IL16: variants seen among roughly 807,000 people sequenced by gnomAD.
IL16 encodes the protein interleukin 16.
Under a neutral mutation model 110.1 loss-of-function variants are expected in IL16, and 67 were observed. That is an observed-to-expected ratio of 0.61 (90% CI 0.50 to 0.75). The LOEUF (loss-of-function observed/expected upper bound fraction) is 0.75, where lower values mean the gene tolerates loss of function less well. IL16 is among the 30% of genes least tolerant of loss of function. The pLI, the probability that IL16 is intolerant of heterozygous loss-of-function variation, is 0.00. For synonymous variants in IL16, 689 were observed against 662.9 expected (o/e 1.04, Z -0.61); for missense variants, 1,545 against 1,655.0 (o/e 0.93, Z 1.15).
At chr15:81,240,776 C>T (rs1312199431) in intron 2 of IL16, among the ~76,000 whole-genome samples, 6 of 151,946 alleles carry the variant, frequency 3.9e-5, no homozygotes, top group Admixed American at 1.3e-4. Flanking sequence ...CTCTTTTAAT[C>T]GATGAGTAGA....
At chr15:81,302,465 G>A (rs1237011876) in intron 15 of IL16, among the ~76,000 whole-genome samples, 1 of 152,196 alleles carries the variant, frequency 6.6e-6, no homozygotes, top group Non-Finnish European at 1.5e-5. Context: ...CAAGTAACCT[G>A]ATACTTGGGT....
In IL16 at chr15:81,285,694, A is replaced by G. The variant is rs1899414011; in HGVS notation, c.1200-4A>G. On this transcript the variant is annotated splice_region_variant and splice_polypyrimidine_tract_variant and intron_variant, in intron 9 of 18. Transcript: ENST00000683961. ...CTGATGGCTTCTTATTGATGCTTGC[A>G]CAGGTGTGGGGACGAGATTGTGGAA... 1 of 1,613,692 alleles carries G rather than the reference A, an allele frequency of 6.2e-7. No homozygotes were observed. The highest frequency in any genetic ancestry group is 1.3e-5 in the African/African-American group (1 of 74,878).
rs1392592269 is a variant in IL16 at position 81,310,724 on chromosome 15, A to T, written c.*1926A>T. 1 of 152,172 alleles carries T rather than the reference A, an allele frequency of 6.6e-6. No homozygotes were observed. The highest frequency in any genetic ancestry group is 6.5e-5 in the Admixed American group (1 of 15,272). 9.4% of individuals were successfully genotyped at this position (152,172 alleles called of 1,614,324 possible). On this transcript the variant is annotated 3_prime_UTR_variant, in exon 19 of 19. Coordinates refer to ENST00000683961, the MANE Select transcript of IL16 (RefSeq NM_172217.5). ...AAATCAGGGAATTGTTTTAAGTCTT[A>T]TCAAGCAGCCAAGGGATGAAAGAGA... is the stretch of plus-strand genomic sequence containing the variant.
chr15:81,288,877 C>T (rs937782691), intron 10 of IL16, among the ~76,000 whole-genome samples: 4 of 151,362 alleles, frequency 2.6e-5, no homozygotes, highest in Non-Finnish European at 5.9e-5. Context: ...TGCTGTTTAT[C>T]ATCTGTTTTT....
rs1265158798 is a variant in IL16 at position 81,210,916 on chromosome 15, ATTCCAATCCTCAAG to A, written c.-102+13765_-102+13778del. 2.0e-4 allele frequency among the ~76,000 whole-genome samples: 30 copies of A among 152,306 alleles called. 1 individual carries two copies. The South Asian group carries it at 6.0e-3, about 31-fold the overall frequency. ...TGGTGAGAGTGGGCATCCTTGTCTT[ATTCCAATCCTCAAG>A]GGGAATGGTTCCAGCTTTTTCCCAT... On this transcript the variant is annotated intron_variant, in intron 1 of 18. Transcript: ENST00000683961.
intron 1 of IL16, among the ~76,000 whole-genome samples, chr15:81,183,330 G>A (rs529691283): frequency 5.1e-4 from 78 of 152,216 alleles, no homozygotes; most frequent in Non-Finnish European, 9.3e-4. Flanking sequence ...AACAGAAGAG[G>A]GAGCTGCTCA....
At chr15:81,265,562 T>C in intron 3 of IL16, 97 bp from the exon 4 acceptor site, 1 of 1,364,592 alleles carries the variant, frequency 7.3e-7, no homozygotes, top group Non-Finnish European at 1.0e-6. Context: ...ACAGTCACAC[T>C]GGCCCCTGGC....
intron 12 of IL16, among the ~76,000 whole-genome samples, chr15:81,293,546 C>T (rs1899843803): frequency 6.6e-6 from 1 of 152,126 alleles, no homozygotes; most frequent in Admixed American, 6.5e-5. Flanking sequence ...ACTAACAATA[C>T]AAAAATTAGC....
At chr15:81,308,552 C>T in intron 18 of IL16, 53 bp from the exon 19 acceptor site, 2 of 1,409,794 alleles carry the variant, frequency 1.4e-6, no homozygotes, top group Non-Finnish European at 1.9e-6. Context: ...GAGGAGGCAA[C>T]TTTCCTTGTT....
chr15:81,182,819 T>C (rs1386134631), exon 1 of IL16: 15 of 1,282,772 alleles, frequency 1.2e-5, no homozygotes, highest in African/African-American at 1.5e-5. Flanking sequence ...TTGGAGGAAC[T>C]TTTCACAGCT....
intron 2 of IL16, among the ~76,000 whole-genome samples, chr15:81,258,038 CACAT>C (rs1335448273): frequency 1.3e-5 from 2 of 152,126 alleles, no homozygotes; most frequent in African/African-American, 4.8e-5. Flanking sequence ...CATGTGCACA[CACAT>C]ACAAGAATTA....
At chr15:81,254,440 T>C (rs1404899942) in intron 2 of IL16, among the ~76,000 whole-genome samples, 1 of 152,184 alleles carries the variant, frequency 6.6e-6, no homozygotes, top group Non-Finnish European at 1.5e-5. Context: ...GAGTTGACTG[T>C]TTAGCCCTAG....
chr15:81,230,993 G>A (rs1050643305), intron 2 of IL16, among the ~76,000 whole-genome samples: 2 of 151,924 alleles, frequency 1.3e-5, no homozygotes, highest in African/African-American at 4.8e-5. Context: ...GCAGGAGTGA[G>A]AGGGATCACT....
intron 1 of IL16, among the ~76,000 whole-genome samples, chr15:81,225,069 CTG>C (rs1451438699): frequency 6.6e-6 from 1 of 152,172 alleles, no homozygotes; most frequent in African/African-American, 2.4e-5. Flanking sequence ...ATGAGAAGCT[CTG>C]GGGCTAGGTC....
chr15:81,253,606 A>T (rs1314633206), intron 2 of IL16, among the ~76,000 whole-genome samples: 2 of 152,174 alleles, frequency 1.3e-5, no homozygotes, highest in Non-Finnish European at 2.9e-5. Context: ...TCACATATAG[A>T]TCTATGATCT....
intron 9 of IL16, among the ~76,000 whole-genome samples, chr15:81,285,450 T>A (rs550672125): frequency 6.6e-6 from 1 of 152,318 alleles, no homozygotes; most frequent in South Asian, 2.1e-4. Context: ...GATGAACTTT[T>A]GTTAATGTTG....
intron 1 of IL16, among the ~76,000 whole-genome samples, chr15:81,206,502 C>G (rs1896022618): frequency 1.3e-5 from 2 of 152,194 alleles, no homozygotes; most frequent in South Asian, 2.1e-4. Context: ...AAACCCAAAA[C>G]ACAGAATAAT....
chr15:81,288,352 A>G (rs902023231), intron 10 of IL16, among the ~76,000 whole-genome samples: 2 of 152,230 alleles, frequency 1.3e-5, no homozygotes, highest in African/African-American at 4.8e-5. Context: ...TTTACCTTAC[A>G]GGACTGTTGT....
chr15:81,297,189 C>A (rs969822296), intron 13 of IL16, 111 bp downstream of exon 13: 1 of 1,021,484 alleles, frequency 9.8e-7, no homozygotes, highest in Non-Finnish European at 1.4e-6. Context: ...ATTGACATCA[C>A]CACTGGACCT....
Sources: gnomAD v4.1 joint callset for allele counts (sites outside exome capture counted in the v4.1 genomes callset) on GRCh38, gnomAD v4.1.1 for gene constraint, MANE v1.5 for transcripts, NCBI Gene and HGNC (gene_info 2026-07-23, HGNC 2026-07-21) for gene names.